KLHL5: variants seen among roughly 807,000 people sequenced by gnomAD.
KLHL5 encodes kelch like family member 5, also known as kelch-like protein 5.
In KLHL5, 48 loss-of-function variants were observed where a neutral mutation model predicts 77.7. That is an observed-to-expected ratio of 0.62 (90% CI 0.49 to 0.79). KLHL5 has a LOEUF of 0.79. Ranked by LOEUF, KLHL5 falls within the 30% of genes least tolerant of loss-of-function variation. The pLI is 0.00. For missense variants in KLHL5, 723 were observed against 859.7 expected, an observed-to-expected ratio of 0.84 and a Z score of 1.99; for synonymous variants, 260 against 297.0, an observed-to-expected ratio of 0.88 and a Z score of 1.28.
intron 9 of KLHL5, 94 bp downstream of exon 9, chr4:39,113,326 G>GA: frequency 1.1e-6 from 1 of 899,616 alleles, no homozygotes; most frequent in Admixed American, 4.2e-5. Flanking sequence ...AGAATTGGAA[G>GA]GGAAAGTCGG....
At chr4:39,131,412 G>C (rs1015062808), downstream of KLHL5, among the ~76,000 whole-genome samples, 1 of 152,078 alleles carries the variant, frequency 6.6e-6, no homozygotes, top group African/African-American at 2.4e-5. Flanking sequence ...GTCTAAAATG[G>C]ATCAGAGCTT....
At chr4:39,111,049 A>T (rs1722422829) in intron 8 of KLHL5, among the ~76,000 whole-genome samples, 3 of 152,166 alleles carry the variant, frequency 2.0e-5, no homozygotes, top group African/African-American at 7.2e-5. Flanking sequence ...TTCTTAGAAC[A>T]CAGCTTGAAA....
intron 1 of KLHL5, among the ~76,000 whole-genome samples, chr4:39,074,472 T>C (rs1327882680): frequency 2.0e-5 from 3 of 152,234 alleles, no homozygotes; most frequent in African/African-American, 7.2e-5. Context: ...GGAAAAGCCA[T>C]ACCTGTTCTT....
At chr4:39,143,094 G>T in the KLHL5 span, among the ~76,000 whole-genome samples, 1 of 152,096 alleles carries the variant, frequency 6.6e-6, no homozygotes, top group Admixed American at 6.5e-5. Flanking sequence ...TAAACTGTAT[G>T]GATTGGACCA....
At chr4:39,136,633 G>T in the KLHL5 span, among the ~76,000 whole-genome samples, 2 of 152,216 alleles carry the variant, frequency 1.3e-5, no homozygotes, top group Admixed American at 6.5e-5. Flanking sequence ...ACCCCCATCA[G>T]AGTAAGGACA....
In KLHL5 at chr4:39,122,243, C is replaced by T. The variant is rs1363801545; in HGVS notation, c.*1177C>T. 1 of 152,198 alleles carries T rather than the reference C, an allele frequency of 6.6e-6. No individual in the cohort carries two copies. Among genetic ancestry groups the T allele is most frequent in the Non-Finnish European group, 1.5e-5 (1 of 68,028 alleles). The allele number at this position is 152,198 out of a possible 1,614,324, so 9.4% of individuals were successfully genotyped here. ...TCTAAGATGCTTTTTATTTTAACCCCAGTTAATAACCACCTTACGGAAAAT... is the reference window on the plus strand; with the variant it reads ...TCTAAGATGCTTTTTATTTTAACCCTAGTTAATAACCACCTTACGGAAAAT... On this transcript the variant is annotated 3_prime_UTR_variant, in exon 11 of 11. Coordinates refer to ENST00000504108, the MANE Select transcript of KLHL5 (RefSeq NM_015990.5).
chr4:39,119,177 A>G (rs763636887), intron 10 of KLHL5, among the ~76,000 whole-genome samples: 20 of 152,192 alleles, frequency 1.3e-4, no homozygotes, highest in Non-Finnish European at 2.4e-4. Context: ...TTTATGCTAA[A>G]TCACCCCATA....
intron 2 of KLHL5, among the ~76,000 whole-genome samples, chr4:39,077,732 A>AAC (rs1719212676): frequency 1.3e-5 from 2 of 151,498 alleles, no homozygotes; most frequent in African/African-American, 4.8e-5. Context: ...AAACAAAAAA[A>AAC]CTAAAAGTAG....
At chr4:39,079,955 C>G (rs906845974) in intron 2 of KLHL5, among the ~76,000 whole-genome samples, 1 of 152,080 alleles carries the variant, frequency 6.6e-6, no homozygotes, top group Non-Finnish European at 1.5e-5. Flanking sequence ...TCATTTAACA[C>G]TTTATGGCCA....
intron 4 of KLHL5, among the ~76,000 whole-genome samples, chr4:39,084,323 C>A (rs1202850159): frequency 1.3e-5 from 2 of 152,128 alleles, no homozygotes; most frequent in African/African-American, 2.4e-5. Context: ...TCTCATTCTG[C>A]CTGCCACTGA....
downstream of KLHL5, among the ~76,000 whole-genome samples, chr4:39,131,331 G>A (rs1002385934): frequency 2.6e-5 from 4 of 152,094 alleles, no homozygotes; most frequent in African/African-American, 9.7e-5. Flanking sequence ...CAGTGAGGCT[G>A]ACAAATATCA....
chr4:39,062,860 A>G lies in KLHL5; in HGVS notation c.208A>G (p.Arg70Gly). Reference protein sequence around the residue: ...QLPLASIGYRRSSQLDFQNSP... With the variant: ...QLPLASIGYRGSSQLDFQNSP... The stretch of plus-strand genomic sequence containing the variant: ...GCCTTTGGCTTCAATTGGTTACCGA[A>G]GGTCCAGCCAACTGGATTTTCAGAA... The change falls in exon 1 of 11, where the codon AGG becomes GGG. Residue 70 changes from arginine (R) to glycine (G), a missense_variant. Arg to Gly is a moderately radical substitution (Grantham distance 125, BLOSUM62 -2). Coordinates refer to ENST00000504108, the MANE Select transcript of KLHL5 (RefSeq NM_015990.5). 3.1e-6 allele frequency: 5 copies of G among 1,614,164 alleles called. No individual in the cohort carries two copies. Among genetic ancestry groups the G allele is most frequent in the Non-Finnish European group, 4.2e-6 (5 of 1,180,020 alleles).
intron 7 of KLHL5, among the ~76,000 whole-genome samples, chr4:39,105,266 CCT>C (rs1467490998): frequency 2.0e-5 from 3 of 151,758 alleles, no homozygotes; most frequent in Non-Finnish European, 4.4e-5. Flanking sequence ...CCCACCTCAG[CCT>C]CTCTAGTAGC....
intron 2 of KLHL5, among the ~76,000 whole-genome samples, chr4:39,080,174 T>G (rs936025800): frequency 3.9e-5 from 6 of 152,182 alleles, no homozygotes; most frequent in Non-Finnish European, 7.3e-5. Flanking sequence ...ATTTAAAATC[T>G]ATTTAAGTGT....
upstream of KLHL5, among the ~76,000 whole-genome samples, chr4:39,060,599 A>G (rs1348864208): frequency 1.3e-5 from 2 of 152,216 alleles, no homozygotes; most frequent in Non-Finnish European, 2.9e-5. Flanking sequence ...TTTTTAAACC[A>G]GAGTTTCTCT....
chr4:39,069,467 TATATATACACAC>T (rs1411434296), intron 1 of KLHL5, among the ~76,000 whole-genome samples: 1 of 63,514 alleles, frequency 1.6e-5, no homozygotes, highest in Non-Finnish European at 3.5e-5. Flanking sequence ...TATATATATA[TATATATACACAC>T]ACACACACAC....
In KLHL5 at chr4:39,122,922, A is replaced by G. The variant is rs1723307421; in HGVS notation, c.*1856A>G. Reference sequence around the variant, plus strand: ...GTAATAAAATTTACCAGTAACACCCAATCAGAAAATTTTGGTTCCTTAGTA... The same window carrying G: ...GTAATAAAATTTACCAGTAACACCCGATCAGAAAATTTTGGTTCCTTAGTA... On this transcript the variant is annotated 3_prime_UTR_variant, in exon 11 of 11. Transcript: ENST00000504108. Among the ~76,000 whole-genome samples the G allele has an allele frequency of 6.6e-6, 1 of 152,186 alleles. No individual in the cohort carries two copies. Among genetic ancestry groups the G allele is most frequent in the Non-Finnish European group, 1.5e-5 (1 of 68,038 alleles).
downstream of KLHL5, chr4:39,126,741 C>G (rs1388575947): frequency 4.4e-6 from 2 of 456,160 alleles, no homozygotes; most frequent in Non-Finnish European, 4.4e-6. Context: ...TGGTGGCCAT[C>G]AAGCAGACCA....
At chr4:39,050,925 A>C (rs776734951) in intron 1 of KLHL5, among the ~76,000 whole-genome samples, 13 of 152,180 alleles carry the variant, frequency 8.5e-5, no homozygotes, top group African/African-American at 3.1e-4. Context: ...CCTTTCATCC[A>C]TCCCTTCTTC....
Sources: allele counts gnomAD v4.1 joint callset (sites outside exome capture counted in the v4.1 genomes callset), GRCh38; gene constraint gnomAD v4.1.1; transcripts MANE v1.5; gene names NCBI Gene and HGNC (gene_info 2026-07-23, HGNC 2026-07-21).